The following STK32A variants were observed in gnomAD, a reference collection of about 807,000 sequenced individuals.
The protein encoded by STK32A is serine/threonine-protein kinase 32A.
In STK32A, 41 loss-of-function variants were observed where a neutral mutation model predicts 53.2. That is an observed-to-expected ratio of 0.77 (90% CI 0.60 to 1.00). STK32A has a LOEUF of 1.00. Among genes scored for constraint, STK32A ranks in the 50% least tolerant of loss-of-function variants. The pLI, the probability that STK32A is intolerant of heterozygous loss-of-function variation, is 0.00. For missense variants in STK32A, 458 were observed against 485.8 expected, an observed-to-expected ratio of 0.94 and a Z score of 0.54; for synonymous variants, 166 against 162.8, an observed-to-expected ratio of 1.02 and a Z score of -0.15.
rs1041554146 is a variant in STK32A at position 147,279,354 on chromosome 5, C to G, written c.216C>G (p.Leu72=). The part of the protein sequence containing the change: ...RNEVRNVFKE[L]QIMQGLEHPF... ...AAGTGAGAAATGTCTTCAAGGAACT[C>G]CAGATCATGCAGGGTCTGGAGCACC... is the stretch of plus-strand genomic sequence containing the variant. The change falls in exon 4 of 13, where the codon CTC becomes CTG. Residue 72 remains leucine (L), a synonymous_variant. Transcript: ENST00000397936. 3 of 1,610,402 alleles carry G rather than the reference C, an allele frequency of 1.9e-6. No homozygotes were observed. The East Asian group carries it at 6.7e-5, about 36-fold the overall frequency.
rs1197723519 is a variant in STK32A, at chr5:147,299,817, G to A, written c.260+20419G>A. 2.0e-5 allele frequency among the ~76,000 whole-genome samples: 3 copies of A among 152,152 alleles called. No homozygotes were observed. In the East Asian group the frequency reaches 5.8e-4, roughly 29 times the overall value. ...GTTAAAGTAACGTAAGCTATTGATA[G>A]GCTACACGTTATTCTTTGTATCACA... On this transcript the variant is annotated intron_variant, in intron 4 of 12. Transcript: ENST00000397936.
At chr5:147,245,410 C>A (rs528688764) in intron 2 of STK32A, among the ~76,000 whole-genome samples, 1 of 152,198 alleles carries the variant, frequency 6.6e-6, no homozygotes, top group Admixed American at 6.5e-5. Flanking sequence ...TGCTTACAAC[C>A]TTTTTTAAAA....
At chr5:147,346,431 A>T (rs1011080039) in intron 6 of STK32A, among the ~76,000 whole-genome samples, 1 of 152,334 alleles carries the variant, frequency 6.6e-6, no homozygotes, top group East Asian at 1.9e-4. Context: ...AACACGATTC[A>T]GTAACAGGCA....
chr5:147,272,833 C>A (rs1267378861), intron 2 of STK32A, among the ~76,000 whole-genome samples: 1 of 152,156 alleles, frequency 6.6e-6, no homozygotes, highest in Non-Finnish European at 1.5e-5. Flanking sequence ...CAGACAGAGA[C>A]ATTGTTATTT....
At chr5:147,256,108 A>G (rs886463111) in intron 2 of STK32A, among the ~76,000 whole-genome samples, 59 of 152,212 alleles carry the variant, frequency 3.9e-4, no homozygotes, top group Admixed American at 3.3e-3. Flanking sequence ...ACACATCCAC[A>G]CATCCGCTCG....
chr5:147,339,334 GA>G (rs1755291264), intron 5 of STK32A, among the ~76,000 whole-genome samples: 1 of 152,240 alleles, frequency 6.6e-6, no homozygotes, highest in Admixed American at 6.5e-5. Flanking sequence ...GTCAAGAATT[GA>G]GGTTTGGGAA....
rs565673637 is a variant in STK32A, at chr5:147,370,457, G to C, written c.661-197G>C. On this transcript the variant is annotated intron_variant, in intron 8 of 12. Transcript: ENST00000397936. ...TTTTAGAAGCGACCATAAATTCCTA[G>C]TGTCTCTTTAAGAAAAAGTAGGGGG... 1.1e-4 allele frequency among the ~76,000 whole-genome samples: 16 copies of C among 152,194 alleles called. 1 individual carries two copies. The Middle Eastern group carries it at 0.014, about 129-fold the overall frequency.
intron 5 of STK32A, among the ~76,000 whole-genome samples, chr5:147,341,008 C>T (rs1333885339): frequency 6.6e-6 from 1 of 152,156 alleles, no homozygotes; most frequent in African/African-American, 2.4e-5. Flanking sequence ...GTAGTTAACA[C>T]AATGATGTAT....
chr5:147,245,998 T>C (rs1414839742), intron 2 of STK32A, among the ~76,000 whole-genome samples: 2 of 152,194 alleles, frequency 1.3e-5, no homozygotes, highest in African/African-American at 4.8e-5. Context: ...ACATCGAAAA[T>C]TTCTTTTGTT....
At chr5:147,268,714 C>A (rs923664772) in intron 2 of STK32A, among the ~76,000 whole-genome samples, 1 of 152,064 alleles carries the variant, frequency 6.6e-6, no homozygotes, top group Non-Finnish European at 1.5e-5. Context: ...ATCAGAAGAT[C>A]CAGAGTGAAA....
chr5:147,260,764 C>T (rs1754526949), intron 2 of STK32A, among the ~76,000 whole-genome samples: 1 of 152,228 alleles, frequency 6.6e-6, no homozygotes, highest in South Asian at 2.1e-4. Context: ...AGGCCCATGG[C>T]GGGATACGCC....
At chr5:147,240,352 T>TTTATAGG (rs1561661521) in intron 2 of STK32A, among the ~76,000 whole-genome samples, 1 of 152,060 alleles carries the variant, frequency 6.6e-6, no homozygotes, top group Non-Finnish European at 1.5e-5. Context: ...TGTTTATAGG[T>TTTATAGG]TGTCTGGGGG....
At chr5:147,279,436 C>T in intron 4 of STK32A, 38 bp downstream of exon 4, 2 of 1,538,444 alleles carry the variant, frequency 1.3e-6, no homozygotes, top group Non-Finnish European at 1.8e-6. Context: ...AGAGACACTC[C>T]TGTTATCGGT....
intron 2 of STK32A, among the ~76,000 whole-genome samples, chr5:147,252,214 T>G (rs1158747775): frequency 6.6e-6 from 1 of 152,182 alleles, no homozygotes; most frequent in Non-Finnish European, 1.5e-5. Context: ...CTCTTCAACA[T>G]TTTTTAGGTC....
Position 147,351,050 on chromosome 5 carries a change from C to T in STK32A, c.473-15C>T. The T allele has an allele frequency of 6.2e-7, 1 of 1,611,552 alleles. No individual in the cohort carries two copies. Among genetic ancestry groups the T allele is most frequent in the Non-Finnish European group, 8.5e-7 (1 of 1,178,124 alleles). On this transcript the variant is annotated splice_polypyrimidine_tract_variant and intron_variant, in intron 6 of 12. Transcript: ENST00000397936. ...ATGGGACTTAACTTTCTGTGTGGTT[C>T]TTCTCTCTCTGCAGGGCACGTGCAC...
rs780298418 is a variant in STK32A at position 147,314,740 on chromosome 5, C to CTTT, written c.261-9145_261-9143dup. On this transcript the variant is annotated intron_variant, in intron 4 of 12. Transcript: ENST00000397936. ...ATTTCATACCTATTGCTTTCTTTTT[C>CTTT]TTTTTTTTTTTTTTTGAGACAGAAT... is the stretch of plus-strand genomic sequence containing the variant. Among the ~76,000 whole-genome samples, 48 of 136,026 alleles carry CTTT rather than the reference C, an allele frequency of 3.5e-4. 1 individual carries two copies. Among genetic ancestry groups the CTTT allele is most frequent in the African/African-American group, 9.6e-4 (35 of 36,622 alleles). The allele number at this position is 136,026 out of a possible 152,430, so 89.2% of individuals were successfully genotyped here. A position where few individuals can be genotyped will look rare whatever the true frequency, so the allele number is the denominator to read the frequency against.
At position 147,241,021 on chromosome 5, in the gene STK32A, A is replaced by G. The variant is rs1753549216; in HGVS notation, c.52+1335A>G. ...AGATACAAGAAAGACTGGGAAATTC[A>G]GTTTGTTATCTTGGGTGGCCATGAA... is the stretch of plus-strand genomic sequence containing the variant. On this transcript the variant is annotated intron_variant, in intron 2 of 12. Coordinates refer to ENST00000397936, the MANE Select transcript of STK32A (RefSeq NM_001112724.2). 2.0e-5 allele frequency among the ~76,000 whole-genome samples: 3 copies of G among 152,176 alleles called. 1 individual carries two copies. In the South Asian group the frequency reaches 6.2e-4, roughly 31 times the overall value.
At chr5:147,251,968 T>G (rs1370051427) in intron 2 of STK32A, among the ~76,000 whole-genome samples, 1 of 152,126 alleles carries the variant, frequency 6.6e-6, no homozygotes, top group Non-Finnish European at 1.5e-5. Flanking sequence ...TTTGGGAGGC[T>G]GAGGCAGGTG....
chr5:147,350,159 G>A (rs1278976634), intron 6 of STK32A, among the ~76,000 whole-genome samples: 7 of 59,994 alleles, frequency 1.2e-4, no homozygotes, highest in East Asian at 7.9e-4. Flanking sequence ...GTTAAACCCC[G>A]CCCCCCACCC....
Sources: allele counts gnomAD v4.1 joint callset (sites outside exome capture counted in the v4.1 genomes callset), GRCh38; gene constraint gnomAD v4.1.1; transcripts MANE v1.5; gene names NCBI Gene and HGNC (gene_info 2026-07-23, HGNC 2026-07-21).